Variants in SRSF3 observed in about 807,000 individuals in gnomAD.
SRSF3 encodes the protein serine/arginine-rich splicing factor 3.
For synonymous variants in SRSF3, 87 were observed against 73.6 expected (o/e 1.18, Z -0.93); for missense variants, 58 against 217.1 (o/e 0.27, Z 4.61).
chr6:36,596,579 G>GGGGGGGCGGGGT (rs1778632776), intron 1 of SRSF3, among the ~76,000 whole-genome samples, 182 bp from the exon 2 acceptor site: 1 of 143,260 alleles, frequency 7.0e-6, no homozygotes, highest in Non-Finnish European at 1.5e-5. Context: ...GGTGGCGGGG[G>GGGGGGGCGGGGT]GGGGGAAATG....
At chr6:36,600,939 C>T (rs1378915689) in intron 3 of SRSF3, 1 of 447,984 alleles carries the variant, frequency 2.2e-6, no homozygotes, top group Non-Finnish European at 3.8e-6. Flanking sequence ...GGAATACCTG[C>T]TTTTCACTTG....
chr6:36,598,885 G>T lies in SRSF3; in HGVS notation c.243G>T (p.Ser81=), dbSNP rs767995074. Reference sequence around the variant, plus strand: ...GCTGCCGTGTAAGAGTGGAACTGTCGAATGGTGAAAAAAGAAGTAGAAATC... The same window carrying T: ...GCTGCCGTGTAAGAGTGGAACTGTCTAATGGTGAAAAAAGAAGTAGAAATC... ...LCGCRVRVEL[S]NGEKRSRNRG... Residue 81 remains serine (S), a synonymous_variant, in exon 3 of 6, where the codon TCG becomes TCT. Transcript: ENST00000373715. 1 of 1,613,654 alleles carries T rather than the reference G, an allele frequency of 6.2e-7. No individual in the cohort carries two copies. Among genetic ancestry groups the T allele is most frequent in the South Asian group, 1.1e-5 (1 of 91,046 alleles).
intron 1 of SRSF3, 99 bp from the exon 2 acceptor site, chr6:36,596,662 A>C (rs1049392065): frequency 1.8e-6 from 2 of 1,100,592 alleles, no homozygotes; most frequent in African/African-American, 3.2e-5. Flanking sequence ...GTGCTACCTT[A>C]AACTCTCTTG....
rs1778713344 is a variant in SRSF3 at position 36,601,377 on chromosome 6, G to A, written c.380+187G>A. 5 of 641,686 alleles carry A rather than the reference G, an allele frequency of 7.8e-6. No individual in the cohort carries two copies. In the South Asian group the frequency reaches 1.1e-4, roughly 14 times the overall value. 39.7% of individuals were successfully genotyped at this position (641,686 alleles called of 1,614,324 possible). On this transcript the variant is annotated intron_variant, in intron 4 of 5. Transcript: ENST00000373715. ...AGAAAGTATTTAATTTTTTAAAAAAGGATCTGTCACCCAGGCTGGAGTGCA... is the reference window on the plus strand; with the variant it reads ...AGAAAGTATTTAATTTTTTAAAAAAAGATCTGTCACCCAGGCTGGAGTGCA...
At chr6:36,598,674 G>A in intron 2 of SRSF3, 175 bp from the exon 3 acceptor site, 1 of 707,772 alleles carries the variant, frequency 1.4e-6, no homozygotes. Flanking sequence ...GTACCACCGT[G>A]CCTGGCCAAA....
rs1303375397 is a variant in SRSF3, at chr6:36,596,931, C to A, written c.169C>A (p.Arg57=). 1 of 1,613,926 alleles carries A rather than the reference C, an allele frequency of 6.2e-7. No homozygotes were observed. The highest frequency in any genetic ancestry group is 2.2e-5 in the East Asian group (1 of 44,874). ...TGCTTTTGTTGAATTTGAAGATCCCCGAGATGCAGCTGATGCAGTCCGAGA... is the reference window on the plus strand; with the variant it reads ...TGCTTTTGTTGAATTTGAAGATCCCAGAGATGCAGCTGATGCAGTCCGAGA... ...GFAFVEFEDP[R]DAADAVRELD... The change falls in exon 2 of 6, where the codon CGA becomes AGA. Residue 57 remains arginine (R), a synonymous_variant. Coordinates refer to ENST00000373715, the MANE Select transcript of SRSF3 (RefSeq NM_003017.5).
rs1044337533 is a variant in SRSF3 at position 36,602,359 on chromosome 6, CT to C, written c.*378del. On this transcript the variant is annotated 3_prime_UTR_variant, in exon 6 of 6. Transcript: ENST00000373715. ...CTGGCAAAAATTGAACTAAGATTTA[CT>C]TTTTTTTCCATAGCTGGGATATAGG... 1.9e-5 allele frequency: 5 copies of C among 257,770 alleles called. No homozygotes were observed. The highest frequency in any genetic ancestry group is 4.4e-5 in the African/African-American group (2 of 45,882). The allele number at this position is 257,770 out of a possible 1,614,324, so 16.0% of individuals were successfully genotyped here. A position where few individuals can be genotyped will look rare whatever the true frequency, so the allele number is the denominator to read the frequency against.
At chr6:36,596,487 G>C (rs1401003210) in intron 1 of SRSF3, among the ~76,000 whole-genome samples, 1 of 141,238 alleles carries the variant, frequency 7.1e-6, no homozygotes, top group African/African-American at 2.7e-5. Flanking sequence ...TCCTCCAGTT[G>C]TTCTCAACGT....
intron 2 of SRSF3, 80 bp downstream of exon 2, chr6:36,597,048 AT>A (rs998214152): frequency 1.1e-4 from 119 of 1,090,520 alleles, no homozygotes; most frequent in Admixed American, 4.8e-4. Context: ...TGGCTCTTAG[AT>A]GGCTTTCCCA....
In SRSF3 at chr6:36,604,833, C is replaced by T. The variant is rs1778785048; in HGVS notation, c.*2844C>T. 6.6e-6 allele frequency: 1 copy of T among 152,182 alleles called. No individual in the cohort carries two copies. The allele number at this position is 152,182 out of a possible 1,614,324, so 9.4% of individuals were successfully genotyped here. A position where few individuals can be genotyped will look rare whatever the true frequency, so the allele number is the denominator to read the frequency against. On this transcript the variant is annotated 3_prime_UTR_variant, in exon 6 of 6. Transcript: ENST00000373715. ...CCCTGTGTAATTTTGAGGAGTTCTA[C>T]ATGATAAATACCCTTGGTGATGTGA...
rs1309696629 is a variant in SRSF3, at chr6:36,602,507, A to G, written c.*518A>G. On this transcript the variant is annotated 3_prime_UTR_variant, in exon 6 of 6. Coordinates refer to ENST00000373715, the MANE Select transcript of SRSF3 (RefSeq NM_003017.5). ...GAAAAATCCAACTCTCATCCTGGGC[A>G]GAGGTTGCCTAGTTGGTATAGAATG... 4.5e-6 allele frequency: 1 copy of G among 222,660 alleles called. No homozygotes were observed. Among genetic ancestry groups the G allele is most frequent in the Non-Finnish European group, 9.0e-6 (1 of 111,650 alleles). 13.8% of individuals were successfully genotyped at this position (222,660 alleles called of 1,614,324 possible). A position where few individuals can be genotyped will look rare whatever the true frequency, so the allele number is the denominator to read the frequency against.
At chr6:36,597,138 C>A in intron 2 of SRSF3, 170 bp downstream of exon 2, 2 of 613,586 alleles carry the variant, frequency 3.3e-6, no homozygotes, top group Non-Finnish European at 5.4e-6. Context: ...ACGAGTCTTG[C>A]ACTGTCACTG....
At chr6:36,595,435 C>G (rs1778610569) in intron 1 of SRSF3, among the ~76,000 whole-genome samples, 2 of 152,132 alleles carry the variant, frequency 1.3e-5, no homozygotes, top group Non-Finnish European at 1.5e-5. Flanking sequence ...ACACGTAGTT[C>G]CAAAACATTT....
intron 4 of SRSF3, chr6:36,601,415 T>C: frequency 1.7e-6 from 1 of 586,754 alleles, no homozygotes; most frequent in Non-Finnish European, 3.0e-6. Context: ...GGTGTGATTA[T>C]AGCTCACTGT....
Position 36,605,561 on chromosome 6 carries a change from G to T in SRSF3, c.*3572G>T, listed in dbSNP as rs1403639173. ...GTTTTGTCCATGCAACTTTCCCCTT[G>T]TTGGACTCTGTACTTAATAATACAG... On this transcript the variant is annotated 3_prime_UTR_variant, in exon 6 of 6. Transcript: ENST00000373715. The T allele has an allele frequency of 6.6e-6, 1 of 151,444 alleles. No individual in the cohort carries two copies. Among genetic ancestry groups the T allele is most frequent in the Non-Finnish European group, 1.5e-5 (1 of 67,924 alleles). The allele number at this position is 151,444 out of a possible 1,614,324, so 9.4% of individuals were successfully genotyped here. A position where few individuals can be genotyped will look rare whatever the true frequency, so the allele number is the denominator to read the frequency against.
intron 2 of SRSF3, chr6:36,598,620 G>T (rs2127505569): frequency 2.2e-6 from 1 of 451,912 alleles, no homozygotes; most frequent in Admixed American, 4.0e-5. Context: ...TTGACCTTGT[G>T]ATCCGCCTGC....
intron 3 of SRSF3, chr6:36,599,454 T>TA (rs1181173469): frequency 9.8e-6 from 2 of 203,250 alleles, no homozygotes; most frequent in Admixed American, 5.2e-5. Flanking sequence ...TAAAGGGGGC[T>TA]AAAAAAGAAG....
chr6:36,599,676 T>C (rs1219609296), intron 3 of SRSF3: 6 of 591,242 alleles, frequency 1.0e-5, no homozygotes, highest in African/African-American at 9.6e-5. Context: ...CTTGCCCCTT[T>C]TGCTATTTTG....
intron 4 of SRSF3, 35 bp from the exon 5 acceptor site, chr6:36,601,673 A>G: frequency 6.6e-7 from 1 of 1,522,038 alleles, no homozygotes; most frequent in South Asian, 1.2e-5. Flanking sequence ...ATTTTATCAT[A>G]CCTCATTGGT....
Sources: allele counts gnomAD v4.1 joint callset (sites outside exome capture counted in the v4.1 genomes callset), GRCh38; gene constraint gnomAD v4.1.1; transcripts MANE v1.5; gene names NCBI Gene and HGNC (gene_info 2026-07-23, HGNC 2026-07-21).